XPO6: variants seen among roughly 807,000 people sequenced by gnomAD.
XPO6 encodes exportin 6.
In XPO6, 3 loss-of-function variants were observed where a neutral mutation model predicts 130.0. That is an observed-to-expected ratio of 0.02 (90% CI 0.01 to 0.06). The LOEUF (loss-of-function observed/expected upper bound fraction) is 0.06, where lower values mean the gene tolerates loss of function less well. Ranked by LOEUF, XPO6 falls within the 10% of genes least tolerant of loss-of-function variation. The pLI, the probability that XPO6 is intolerant of heterozygous loss-of-function variation, is 1.00. For missense variants in XPO6, 970 were observed against 1,393.0 expected (o/e 0.70, Z 4.83); for synonymous variants, 524 against 548.9 (o/e 0.95, Z 0.63).
rs139409793 is a variant in XPO6, at chr16:28,102,155, C to A, written c.2947-210G>T. On this transcript the variant is annotated intron_variant, in intron 21 of 23. Transcript: ENST00000304658. ...GCTTCTTATTATGGTCTCATATATA[C>A]CTTTTTTAACAAACCTCTAGAAACC... 6.2e-4 allele frequency among the ~76,000 whole-genome samples: 94 copies of A among 152,230 alleles called. No homozygotes were observed. In the East Asian group the frequency reaches 8.3e-3, roughly 13 times the overall value.
intron 4 of XPO6, 71 bp downstream of exon 4, chr16:28,175,827 C>T: frequency 6.9e-7 from 1 of 1,440,678 alleles, no homozygotes; most frequent in Non-Finnish European, 9.7e-7. Context: ...AAGTCCTCTT[C>T]AGGACAAGGA....
At chr16:28,186,374 C>CTTTTTTTTTTTTTTTTTTTA (rs60754642) in intron 1 of XPO6, among the ~76,000 whole-genome samples, 1 of 81,442 alleles carries the variant, frequency 1.2e-5, no homozygotes, top group African/African-American at 6.6e-5. Context: ...CCCAGTTATT[C>CTTTTTTTTTTTTTTTTTTTA]TTTTTTTTTT....
chr16:28,207,015 G>C (rs902868670), intron 1 of XPO6, among the ~76,000 whole-genome samples: 1 of 152,188 alleles, frequency 6.6e-6, no homozygotes, highest in African/African-American at 2.4e-5. Flanking sequence ...GGGAGGCCAA[G>C]GTGGGCAGAT....
Position 28,211,669 on chromosome 16 carries a change from G to A in XPO6, c.-301C>T. ...GGGCAGCTGCTCGGGACCCCCGCCC[G>A]GGCCCGACCCCCGCGGGGGAGGCTG... On this transcript the variant is annotated 5_prime_UTR_variant, in exon 1 of 24. Transcript: ENST00000304658. The A allele has an allele frequency of 2.6e-6, 1 of 377,396 alleles. No homozygotes were observed. Among genetic ancestry groups the A allele is most frequent in the Non-Finnish European group, 4.5e-6 (1 of 220,718 alleles). 23.4% of individuals were successfully genotyped at this position (377,396 alleles called of 1,614,324 possible).
At position 28,117,337 on chromosome 16, in the gene XPO6, G is replaced by A. The variant is rs374116829; in HGVS notation, c.1985C>T (p.Thr662Ile). The A allele has an allele frequency of 6.2e-7, 1 of 1,614,102 alleles. No homozygotes were observed. Among genetic ancestry groups the A allele is most frequent in the Admixed American group, 1.7e-5 (1 of 60,032 alleles). ...TLISTTMDAI[T>I]PLISTKVQDK... ...CGAGACCTTGGTGCTGATTAGAGGT[G>A]TGATTGCATCCATGGTAGTAGAGAT... The change falls in exon 15 of 24, where the codon ACA becomes ATA. Residue 662 changes from threonine (T) to isoleucine (I), a missense_variant. This residue lies in a region of XPO6 where 936 missense variants were observed against 1,306.8 expected (regional missense o/e 0.72). Coordinates refer to ENST00000304658, the MANE Select transcript of XPO6 (RefSeq NM_015171.4).
intron 15 of XPO6, among the ~76,000 whole-genome samples, chr16:28,116,378 C>A (rs1383058784): frequency 1.3e-5 from 2 of 151,642 alleles, no homozygotes; most frequent in Non-Finnish European, 2.9e-5. Context: ...AGGAGAATGG[C>A]GTGAACCCGG....
chr16:28,189,833 T>C (rs1371395721), intron 1 of XPO6, among the ~76,000 whole-genome samples: 1 of 152,220 alleles, frequency 6.6e-6, no homozygotes, highest in African/African-American at 2.4e-5. Flanking sequence ...AAACATAATT[T>C]TAGTCATTAA....
intron 11 of XPO6, 72 bp downstream of exon 11, chr16:28,133,769 G>C: frequency 7.1e-7 from 1 of 1,407,786 alleles, no homozygotes; most frequent in Non-Finnish European, 1.0e-6. Flanking sequence ...GAGAGATCCA[G>C]GGGAGTCAAC....
Position 28,211,445 on chromosome 16 carries a change from T to A in XPO6, c.-77A>T. 5 of 1,302,226 alleles carry A rather than the reference T, an allele frequency of 3.8e-6. No homozygotes were observed. Among genetic ancestry groups the A allele is most frequent in the South Asian group, 3.3e-5 (1 of 30,360 alleles). 80.7% of individuals were successfully genotyped at this position (1,302,226 alleles called of 1,614,324 possible). ...CGTCCCGCTCGCACAGTTCAGGTCATGGTCCCGGCAGACTCGGGAAGTCCC... is the reference window on the plus strand; with the variant it reads ...CGTCCCGCTCGCACAGTTCAGGTCAAGGTCCCGGCAGACTCGGGAAGTCCC... On this transcript the variant is annotated 5_prime_UTR_variant, in exon 1 of 24. The change abolishes an upstream ATG in the 5' untranslated region. Transcript: ENST00000304658.
chr16:28,143,564 G>A (rs754930487), intron 9 of XPO6, among the ~76,000 whole-genome samples: 27 of 152,074 alleles, frequency 1.8e-4, no homozygotes, highest in Non-Finnish European at 2.9e-4. Flanking sequence ...ATCTGCAAAA[G>A]TGTGTGTTTA....
At chr16:28,160,637 T>C (rs1432766029) in intron 6 of XPO6, among the ~76,000 whole-genome samples, 2 of 152,220 alleles carry the variant, frequency 1.3e-5, no homozygotes, top group African/African-American at 2.4e-5. Flanking sequence ...TATTATTTGA[T>C]GTTCTTTCTA....
Position 28,131,439 on chromosome 16 carries a change from A to G in XPO6, c.1606+895T>C, listed in dbSNP as rs1004077719. ...GCGCACCAGAGCCGGGACAGATCCC[A>G]TAAGAAGCATGCTGGGAAGAAGGAA... On this transcript the variant is annotated intron_variant, in intron 12 of 23. Coordinates refer to ENST00000304658, the MANE Select transcript of XPO6 (RefSeq NM_015171.4). Among the ~76,000 whole-genome samples, 6 of 152,364 alleles carry G rather than the reference A, an allele frequency of 3.9e-5. No individual in the cohort carries two copies. The South Asian group carries it at 8.3e-4, about 21-fold the overall frequency.
chr16:28,129,510 T>C (rs552130794), intron 12 of XPO6, among the ~76,000 whole-genome samples: 1 of 151,750 alleles, frequency 6.6e-6, no homozygotes, highest in African/African-American at 2.4e-5. Context: ...ACAAAAGTCC[T>C]ATCTTCCACA....
intron 12 of XPO6, among the ~76,000 whole-genome samples, chr16:28,127,616 A>G (rs2042586300): frequency 6.6e-6 from 1 of 152,194 alleles, no homozygotes; most frequent in African/African-American, 2.4e-5. Context: ...GCACCTGCAG[A>G]AAGGAAGGGT....
At chr16:28,136,611 C>T (rs112616439) in intron 9 of XPO6, among the ~76,000 whole-genome samples, 5,530 of 152,292 alleles carry the variant, frequency 0.036, 152 homozygotes, top group Non-Finnish European at 0.058. Context: ...CCTGGGGAAA[C>T]CCTGACCCTT....
chr16:28,138,265 C>T (rs920942864), intron 9 of XPO6, among the ~76,000 whole-genome samples: 1 of 152,162 alleles, frequency 6.6e-6, no homozygotes, highest in Admixed American at 6.5e-5. Context: ...AAGTTCCACA[C>T]TATAAATTGC....
chr16:28,187,883 A>G (rs1323238992), intron 1 of XPO6, among the ~76,000 whole-genome samples: 1 of 151,950 alleles, frequency 6.6e-6, no homozygotes, highest in African/African-American at 2.4e-5. Flanking sequence ...CCATAAGCAG[A>G]CTTCTGCTCA....
Position 28,146,222 on chromosome 16 carries a change from C to G in XPO6, c.1225-19G>C. On this transcript the variant is annotated intron_variant, in intron 8 of 23. Coordinates refer to ENST00000304658, the MANE Select transcript of XPO6 (RefSeq NM_015171.4). Reference sequence around the variant, plus strand: ...GAGTAGGCTATGGTACAAAAAAAATCCAGACAATGAAATTATTTAATGCTA... The same window carrying G: ...GAGTAGGCTATGGTACAAAAAAAATGCAGACAATGAAATTATTTAATGCTA... 1 of 1,542,812 alleles carries G rather than the reference C, an allele frequency of 6.5e-7. No individual in the cohort carries two copies. Among genetic ancestry groups the G allele is most frequent in the Non-Finnish European group, 9.0e-7 (1 of 1,116,300 alleles).
At chr16:28,209,370 T>C (rs1258512826) in intron 1 of XPO6, among the ~76,000 whole-genome samples, 2 of 152,168 alleles carry the variant, frequency 1.3e-5, no homozygotes, top group African/African-American at 2.4e-5. Context: ...CCGGGCGCGA[T>C]GGCTCATGCA....
Sources: gnomAD v4.1 joint callset for allele counts (sites outside exome capture counted in the v4.1 genomes callset) on GRCh38, gnomAD v4.1.1 for gene constraint, gnomAD v4.1.1 regional missense constraint, MANE v1.5 for transcripts, NCBI Gene and HGNC (gene_info 2026-07-23, HGNC 2026-07-21) for gene names.